Variants in ERBB4 observed in about 807,000 individuals in gnomAD.
The protein encoded by ERBB4 is erb-b2 receptor tyrosine kinase 4.
ERBB4 carries 42 observed loss-of-function variants against 158.0 expected under a neutral mutation model. The observed-to-expected ratio is 0.27, with a 90% CI of 0.21 to 0.34. ERBB4 has a LOEUF of 0.34. ERBB4 is among the 10% of genes least tolerant of loss of function. The probability of loss-of-function intolerance (pLI) is 1.00; values close to 1 mark genes in which losing one functional copy is unlikely to be tolerated. For synonymous variants in ERBB4, 583 were observed against 558.7 expected (o/e 1.04, Z -0.61); for missense variants, 1,333 against 1,624.1 (o/e 0.82, Z 3.08).
At chr2:212,463,653 G>A (rs1181543075) in intron 1 of ERBB4, among the ~76,000 whole-genome samples, 1 of 152,044 alleles carries the variant, frequency 6.6e-6, no homozygotes, top group Admixed American at 6.6e-5. Context: ...CTGCATTAGT[G>A]TTCTTCTACG....
chr2:212,355,051 A>T (rs997829681), intron 1 of ERBB4, among the ~76,000 whole-genome samples: 6 of 152,062 alleles, frequency 3.9e-5, no homozygotes, highest in African/African-American at 1.4e-4. Flanking sequence ...ATTGTCTATT[A>T]TATCTATTAG....
chr2:211,818,196 G>C (rs375550672), intron 3 of ERBB4, among the ~76,000 whole-genome samples: 5 of 152,044 alleles, frequency 3.3e-5, no homozygotes, highest in African/African-American at 1.2e-4. Context: ...TTTATTTCAA[G>C]AGATACTGAA....
chr2:211,759,806 A>AGTGT lies in ERBB4; in HGVS notation c.557-9106_557-9103dup, dbSNP rs67981670. ...AATTTTGGTGTTTTTCATTTTCTAG[A>AGTGT]GTGTGTGTGTGTGTGTGTGTGTGTG... On this transcript the variant is annotated intron_variant, in intron 4 of 27. Coordinates refer to ENST00000342788, the MANE Select transcript of ERBB4 (RefSeq NM_005235.3). Among the ~76,000 whole-genome samples the AGTGT allele has an allele frequency of 2.3e-3, 342 of 150,042 alleles. 2 individuals are homozygous for AGTGT. The highest frequency in any genetic ancestry group is 7.3e-3 in the African/African-American group (297 of 40,864).
chr2:211,641,349 C>T (rs1343157997), intron 16 of ERBB4, among the ~76,000 whole-genome samples: 1 of 151,598 alleles, frequency 6.6e-6, no homozygotes, highest in Non-Finnish European at 1.5e-5. Flanking sequence ...TTCTACTGTT[C>T]CAATCTGTTT....
At chr2:212,508,760 C>A (rs1384290) in intron 1 of ERBB4, among the ~76,000 whole-genome samples, 22,686 of 152,066 alleles carry the variant, frequency 0.15, 1,822 homozygotes, top group South Asian at 0.17. Flanking sequence ...TTCTAAAAGA[C>A]TCTTAATAAT....
At chr2:212,190,468 TG>T (rs1177740827) in intron 1 of ERBB4, among the ~76,000 whole-genome samples, 1 of 141,802 alleles carries the variant, frequency 7.1e-6, no homozygotes, top group East Asian at 2.0e-4. Flanking sequence ...ACCCGGGAGG[TG>T]GGGCTTGCAG....
intron 20 of ERBB4, among the ~76,000 whole-genome samples, chr2:211,553,545 A>T: frequency 6.6e-6 from 1 of 152,206 alleles, no homozygotes; most frequent in East Asian, 1.9e-4. Flanking sequence ...CTATAAACAT[A>T]TGTCTGTCCT....
chr2:212,099,525 C>T (rs2079023557), intron 2 of ERBB4, among the ~76,000 whole-genome samples: 1 of 152,078 alleles, frequency 6.6e-6, no homozygotes, highest in Non-Finnish European at 1.5e-5. Flanking sequence ...CTTTGATGGC[C>T]TTAATAGCAA....
intron 3 of ERBB4, among the ~76,000 whole-genome samples, chr2:211,901,330 G>T (rs1032334738): frequency 1.3e-5 from 2 of 152,138 alleles, no homozygotes. Flanking sequence ...TAATGTGATA[G>T]ATTTAAAAAA....
intron 1 of ERBB4, among the ~76,000 whole-genome samples, chr2:212,437,442 A>G (rs549373207): frequency 7.9e-5 from 12 of 151,874 alleles, no homozygotes; most frequent in African/African-American, 2.4e-4. Flanking sequence ...TTTCCTGTAC[A>G]GGAAGTGATA....
chr2:211,907,755 T>G (rs2079434995), intron 3 of ERBB4, among the ~76,000 whole-genome samples: 2 of 151,698 alleles, frequency 1.3e-5, no homozygotes, highest in African/African-American at 4.8e-5. Context: ...TAGTAAGTTT[T>G]GTCTTTCTAG....
intron 4 of ERBB4, among the ~76,000 whole-genome samples, chr2:211,761,056 G>T (rs776071459): frequency 3.3e-5 from 5 of 151,862 alleles, no homozygotes; most frequent in Non-Finnish European, 5.9e-5. Flanking sequence ...TTAACTGGGC[G>T]TGGTGGCGCG....
At chr2:212,015,122 C>A (rs1285008145) in intron 2 of ERBB4, among the ~76,000 whole-genome samples, 5 of 124,566 alleles carry the variant, frequency 4.0e-5, no homozygotes, top group African/African-American at 6.4e-5. Context: ...AAAAATTAGC[C>A]GGGCATGGTG....
intron 1 of ERBB4, among the ~76,000 whole-genome samples, chr2:212,293,846 T>TGA (rs2086297636): frequency 1.9e-4 from 2 of 10,394 alleles, no homozygotes; most frequent in African/African-American, 2.9e-4. Context: ...AGACTCTGTC[T>TGA]CAAAAAAAAA....
chr2:212,264,486 G>T (rs1521662), intron 1 of ERBB4, among the ~76,000 whole-genome samples: 108,984 of 151,876 alleles, frequency 0.72, 39,340 homozygotes, highest in African/African-American at 0.75. Flanking sequence ...ACACACAGTG[G>T]GCTCTACAGA....
At chr2:212,363,149 T>G (rs1379352383) in intron 1 of ERBB4, among the ~76,000 whole-genome samples, 6 of 151,428 alleles carry the variant, frequency 4.0e-5, no homozygotes, top group Admixed American at 1.3e-4. Context: ...ATTTAAATGT[T>G]TTTGGATAGT....
intron 14 of ERBB4, among the ~76,000 whole-genome samples, chr2:211,666,193 T>C (rs1478409927): frequency 6.6e-6 from 1 of 152,166 alleles, no homozygotes; most frequent in Non-Finnish European, 1.5e-5. Context: ...ATTATGTCTA[T>C]TTATAGGGAT....
At chr2:212,394,371 G>A (rs865820625) in intron 1 of ERBB4, among the ~76,000 whole-genome samples, 5 of 151,796 alleles carry the variant, frequency 3.3e-5, no homozygotes, top group South Asian at 2.1e-4. Flanking sequence ...TGGTACTGTC[G>A]CTAATATAAT....
chr2:211,967,483 T>C, intron 2 of ERBB4, among the ~76,000 whole-genome samples: 1 of 152,062 alleles, frequency 6.6e-6, no homozygotes, highest in Admixed American at 6.6e-5. Flanking sequence ...TTAATTATCA[T>C]TGGTAAGTGT....
Sources: gnomAD v4.1 joint callset for allele counts (sites outside exome capture counted in the v4.1 genomes callset) on GRCh38, gnomAD v4.1.1 for gene constraint, MANE v1.5 for transcripts, NCBI Gene and HGNC (gene_info 2026-07-23, HGNC 2026-07-21) for gene names.